UBE2R2: variants seen among roughly 807,000 people sequenced by gnomAD.
The protein encoded by UBE2R2 is ubiquitin-conjugating enzyme E2 R2.
Under a neutral mutation model 27.8 loss-of-function variants are expected in UBE2R2, and 1 was observed. That is an observed-to-expected ratio of 0.04 (90% CI 0.01 to 0.17). UBE2R2 has a LOEUF of 0.17. Ranked by LOEUF, UBE2R2 falls within the 10% of genes least tolerant of loss-of-function variation. The pLI, the probability that UBE2R2 is intolerant of heterozygous loss-of-function variation, is 1.00. For synonymous variants in UBE2R2, 106 were observed against 113.3 expected (o/e 0.94, Z 0.41); for missense variants, 100 against 291.0 (o/e 0.34, Z 4.78).
chr9:33,891,728 A>G (rs948112680), intron 2 of UBE2R2, among the ~76,000 whole-genome samples: 1 of 152,194 alleles, frequency 6.6e-6, no homozygotes, highest in Admixed American at 6.5e-5. Context: ...ATATTACTGC[A>G]GCCCCCAAAA....
chr9:33,888,395 A>G (rs978694493), intron 2 of UBE2R2, among the ~76,000 whole-genome samples: 1 of 152,192 alleles, frequency 6.6e-6, no homozygotes, highest in South Asian at 2.1e-4. Flanking sequence ...CATCCCAAGC[A>G]TTGAAATTGC....
intron 1 of UBE2R2, among the ~76,000 whole-genome samples, chr9:33,855,147 A>G (rs1393768999): frequency 2.0e-5 from 3 of 152,104 alleles, no homozygotes; most frequent in African/African-American, 7.2e-5. Context: ...TTATGGTTGT[A>G]TCTTCTTGTT....
chr9:33,913,398 A>G (rs1421139539), intron 4 of UBE2R2, among the ~76,000 whole-genome samples: 1 of 152,148 alleles, frequency 6.6e-6, no homozygotes, highest in Non-Finnish European at 1.5e-5. Flanking sequence ...AACTAAGACT[A>G]TAGGCATGCA....
intron 2 of UBE2R2, among the ~76,000 whole-genome samples, chr9:33,899,214 CT>C (rs1199125401): frequency 2.1e-4 from 31 of 147,884 alleles, no homozygotes; most frequent in Non-Finnish European, 2.3e-4. Context: ...TTATGTTTGT[CT>C]TTTTTTTTTT....
intron 2 of UBE2R2, among the ~76,000 whole-genome samples, chr9:33,889,495 C>T (rs1214356913): frequency 6.6e-6 from 1 of 152,068 alleles, no homozygotes; most frequent in East Asian, 1.9e-4. Flanking sequence ...TGAGCCACCG[C>T]ACCCGGCCCT....
chr9:33,909,871 A>G (rs1366175867), intron 3 of UBE2R2, among the ~76,000 whole-genome samples: 2 of 152,244 alleles, frequency 1.3e-5, no homozygotes, highest in African/African-American at 2.4e-5. Context: ...CTTTGTCATA[A>G]TCTTGTATAA....
At chr9:33,849,454 A>G (rs997133341) in intron 1 of UBE2R2, among the ~76,000 whole-genome samples, 1 of 152,088 alleles carries the variant, frequency 6.6e-6, no homozygotes, top group African/African-American at 2.4e-5. Flanking sequence ...ATATCAAACA[A>G]CCATTAGTTA....
intron 1 of UBE2R2, among the ~76,000 whole-genome samples, chr9:33,841,990 C>A (rs1820743035): frequency 6.6e-6 from 1 of 152,072 alleles, no homozygotes; most frequent in Admixed American, 6.6e-5. Flanking sequence ...CTCTTTCAAC[C>A]TTAATTTGTT....
intron 3 of UBE2R2, among the ~76,000 whole-genome samples, chr9:33,908,342 TAAC>T (rs1822409796): frequency 6.6e-6 from 1 of 152,196 alleles, no homozygotes; most frequent in Non-Finnish European, 1.5e-5. Context: ...TGCATCGCCA[TAAC>T]AACAGGGATG....
At chr9:33,845,746 G>A (rs1344317306) in intron 1 of UBE2R2, among the ~76,000 whole-genome samples, 1 of 152,178 alleles carries the variant, frequency 6.6e-6, no homozygotes, top group East Asian at 1.9e-4. Context: ...AGTAGCTCAC[G>A]CCTGTAATCC....
At chr9:33,893,587 G>A (rs1489937901) in intron 2 of UBE2R2, among the ~76,000 whole-genome samples, 1 of 152,162 alleles carries the variant, frequency 6.6e-6, no homozygotes, top group East Asian at 1.9e-4. Flanking sequence ...ATACCTAGGA[G>A]TGGAATTGTG....
At chr9:33,865,145 C>T (rs1285426737) in intron 1 of UBE2R2, among the ~76,000 whole-genome samples, 1 of 151,674 alleles carries the variant, frequency 6.6e-6, no homozygotes, top group African/African-American at 2.4e-5. Context: ...GCAGTGTGAG[C>T]CACTGTGCCC....
intron 1 of UBE2R2, among the ~76,000 whole-genome samples, chr9:33,822,974 G>A (rs1046180112): frequency 7.0e-6 from 1 of 142,044 alleles, no homozygotes; most frequent in East Asian, 2.0e-4. Context: ...GTGTGATTTC[G>A]GCTCACTGCA....
intron 2 of UBE2R2, among the ~76,000 whole-genome samples, chr9:33,892,759 C>G (rs1010776896): frequency 7.2e-5 from 11 of 151,864 alleles, no homozygotes; most frequent in African/African-American, 2.7e-4. Context: ...ATTGACATGC[C>G]CAAATTTGGC....
chr9:33,826,806 A>C, intron 1 of UBE2R2, among the ~76,000 whole-genome samples: 1 of 151,900 alleles, frequency 6.6e-6, no homozygotes, highest in South Asian at 2.1e-4. Context: ...GGGTGGGTGC[A>C]GTGGCTCACG....
At chr9:33,894,026 TA>T (rs1822042877) in intron 2 of UBE2R2, among the ~76,000 whole-genome samples, 1 of 152,192 alleles carries the variant, frequency 6.6e-6, no homozygotes, top group South Asian at 2.1e-4. Flanking sequence ...AGCCATCTTT[TA>T]AATGGACTGC....
chr9:33,895,721 G>A (rs950287351), intron 2 of UBE2R2, among the ~76,000 whole-genome samples: 2 of 147,826 alleles, frequency 1.4e-5, no homozygotes, highest in African/African-American at 5.0e-5. Flanking sequence ...AGTTTTCAAC[G>A]TACAAGTCTT....
At chr9:33,867,983 G>A (rs1255087807) in intron 1 of UBE2R2, among the ~76,000 whole-genome samples, 1 of 152,172 alleles carries the variant, frequency 6.6e-6, no homozygotes, top group Non-Finnish European at 1.5e-5. Context: ...TCAGCACCCT[G>A]TTCTTGTTCG....
chr9:33,829,815 T>TA (rs1554670722), intron 1 of UBE2R2, among the ~76,000 whole-genome samples: 2 of 137,200 alleles, frequency 1.5e-5, no homozygotes, highest in Non-Finnish European at 3.2e-5. Flanking sequence ...TTTTTTTTTT[T>TA]AAACAGTTTC....
Sources: allele counts gnomAD v4.1 joint callset (sites outside exome capture counted in the v4.1 genomes callset), GRCh38; gene constraint gnomAD v4.1.1; transcripts MANE v1.5; gene names NCBI Gene and HGNC (gene_info 2026-07-23, HGNC 2026-07-21).